The following QDPR variants were observed in gnomAD, a reference collection of about 807,000 sequenced individuals.
The protein encoded by QDPR is quinoid dihydropteridine reductase.
Under a neutral mutation model 31.7 loss-of-function variants are expected in QDPR, and 23 were observed. The ratio of observed to expected loss-of-function variants is 0.73; its 90% CI spans 0.52 to 1.03. QDPR has a LOEUF of 1.03. QDPR is among the 50% of genes least tolerant of loss of function. The probability of loss-of-function intolerance (pLI) is 0.00; values close to 1 mark genes in which losing one functional copy is unlikely to be tolerated. For synonymous variants in QDPR, 124 were observed against 124.7 expected (o/e 0.99, Z 0.03); for missense variants, 324 against 323.8 (o/e 1.00, Z 0.00).
At position 17,487,149 on chromosome 4, in the gene QDPR, G is replaced by A. The variant is rs771573493; in HGVS notation, c.717C>T (p.Leu239=). ...ATGAGGCCTAAAAATATGCTGGGGT[G>A]AGTTCCGTCCTTCCTTCTGTGGTTA... The part of the protein sequence containing the change: ...QVVTTEGRTE[L]TPAYF Residue 239 remains leucine (L), a synonymous_variant, in exon 7 of 7, where the codon CTC becomes CTT. Transcript: ENST00000281243. The A allele has an allele frequency of 5.6e-6, 9 of 1,614,132 alleles. No homozygotes were observed. The South Asian group carries it at 9.9e-5, about 18-fold the overall frequency.
At chr4:17,504,236 T>G in intron 3 of QDPR, 143 bp downstream of exon 3, 1 of 733,020 alleles carries the variant, frequency 1.4e-6, no homozygotes, top group Non-Finnish European at 2.4e-6. Context: ...TTAAGAGCAT[T>G]AATCACTCTC....
chr4:17,497,296 AT>A (rs1313974488), intron 4 of QDPR, among the ~76,000 whole-genome samples: 1 of 152,172 alleles, frequency 6.6e-6, no homozygotes, highest in Non-Finnish European at 1.5e-5. Context: ...AATTATTTAA[AT>A]AAAAACTAAT....
At chr4:17,496,843 G>A (rs1248870568) in intron 4 of QDPR, among the ~76,000 whole-genome samples, 1 of 151,928 alleles carries the variant, frequency 6.6e-6, no homozygotes. Flanking sequence ...TGCAACCACC[G>A]CCTCCCAGGT....
At chr4:17,494,466 C>G (rs1356399672) in intron 4 of QDPR, among the ~76,000 whole-genome samples, 1 of 152,200 alleles carries the variant, frequency 6.6e-6, no homozygotes, top group Non-Finnish European at 1.5e-5. Flanking sequence ...CTCACTGCAT[C>G]TGTGCCACTG....
In QDPR at chr4:17,487,231, A is replaced by T. The variant is rs777797545; in HGVS notation, c.635T>A (p.Phe212Tyr). The T allele has an allele frequency of 4.3e-6, 7 of 1,613,696 alleles. No homozygotes were observed. In the Admixed American group the frequency reaches 6.7e-5, roughly 15 times the overall value. The change falls in exon 7 of 7, where the codon TTC becomes TAC. Residue 212 changes from phenylalanine (F) to tyrosine (Y), a missense_variant. Transcript: ENST00000281243. ...GTTTTTCCCTGTGATCCAGTCATGG[A>T]AAGTTCTGGAACAGAAAATAAAAGT... is the stretch of plus-strand genomic sequence containing the variant. ...WTPLEFLVET[F>Y]HDWITGKNRP...
At chr4:17,501,595 C>T in intron 4 of QDPR, 124 bp downstream of exon 4, 3 of 1,158,734 alleles carry the variant, frequency 2.6e-6, no homozygotes, top group South Asian at 2.7e-5. Context: ...AGACAAAATC[C>T]ATCTATCTGT....
rs1202779724 is a variant in QDPR at position 17,512,044 on chromosome 4, G to A, written c.11C>T (p.Ala4Val). The change falls in exon 1 of 7, where the codon GCG (alanine) becomes GTG (valine). Residue 4 changes from alanine (A) to valine (V), a missense_variant. Physicochemically the swap from Ala to Val is moderately conservative, Grantham distance 64 (BLOSUM62 0). Coordinates refer to ENST00000281243, the MANE Select transcript of QDPR (RefSeq NM_000320.3). MAA[A>V]AAAGEARRVL... The stretch of plus-strand genomic sequence containing the variant: ...CCGGCGCGCCTCGCCTGCAGCCGCC[G>A]CCGCCGCCATCCTGCTCCTGCCAGC... 4 of 1,601,300 alleles carry A rather than the reference G, an allele frequency of 2.5e-6. No individual in the cohort carries two copies. Among genetic ancestry groups the A allele is most frequent in the Admixed American group, 1.7e-5 (1 of 59,342 alleles).
At position 17,505,602 on chromosome 4, in the gene QDPR, A is replaced by G. The variant is rs190641404; in HGVS notation, c.199-1127T>C. Among the ~76,000 whole-genome samples the G allele has an allele frequency of 1.4e-3, 217 of 152,362 alleles. 2 individuals are homozygous for G. The highest frequency in any genetic ancestry group is 5.1e-3 in the African/African-American group (211 of 41,584). ...CACAGTGGCTCATGCCAGTAGTCCC[A>G]GCACTTTGGGAGGCAGAGGCAGAAG... On this transcript the variant is annotated intron_variant, in intron 2 of 6. Coordinates refer to ENST00000281243, the MANE Select transcript of QDPR (RefSeq NM_000320.3).
At chr4:17,510,116 C>T in intron 1 of QDPR, 1 of 399,566 alleles carries the variant, frequency 2.5e-6, no homozygotes, top group Non-Finnish European at 5.0e-6. Context: ...ATTTTCTTTT[C>T]AACCACCTGA....
chr4:17,509,234 T>C (rs139219760), intron 2 of QDPR, 37 bp downstream of exon 2: 2 of 1,505,248 alleles, frequency 1.3e-6, no homozygotes, highest in South Asian at 2.2e-5. Context: ...CTCCCCAGGG[T>C]TCCCCTCACA....
chr4:17,500,541 G>A (rs1030610034), intron 4 of QDPR, among the ~76,000 whole-genome samples: 1 of 152,170 alleles, frequency 6.6e-6, no homozygotes, highest in African/African-American at 2.4e-5. Flanking sequence ...AGAAGAGGAG[G>A]AAACGAGGAC....
intron 2 of QDPR, among the ~76,000 whole-genome samples, chr4:17,506,313 T>C (rs967158089): frequency 1.3e-5 from 2 of 152,082 alleles, no homozygotes; most frequent in African/African-American, 4.8e-5. Context: ...TATTTTTTTG[T>C]AGAGATGGGG....
chr4:17,492,622 T>C (rs985062854), intron 4 of QDPR: 5 of 503,200 alleles, frequency 9.9e-6, no homozygotes, highest in Non-Finnish European at 1.8e-5. Context: ...AGCTGCAGCA[T>C]TCCAGGGTCC....
rs1718131584 is a variant in QDPR, at chr4:17,490,716, T to A, written c.575A>T (p.Lys192Ile). The A allele has an allele frequency of 3.1e-6, 5 of 1,614,056 alleles. No homozygotes were observed. The highest frequency in any genetic ancestry group is 4.2e-6 in the Non-Finnish European group (5 of 1,179,948). ...GCTGAAGTCAGCCTCAGGCATTGAT[T>A]TCCTGTTCATCGGGGTATCCAGGGT... ...PVTLDTPMNR[K>I]SMPEADFSSW... The change falls in exon 6 of 7, where the codon AAA becomes ATA. Residue 192 changes from lysine to isoleucine, a missense_variant. Lys to Ile is a moderately radical substitution (Grantham distance 102). Coordinates refer to ENST00000281243, the MANE Select transcript of QDPR (RefSeq NM_000320.3).
At chr4:17,504,261 T>C (rs1446673441) in intron 3 of QDPR, 118 bp downstream of exon 3, 6 of 833,494 alleles carry the variant, frequency 7.2e-6, no homozygotes, top group East Asian at 2.5e-5. Flanking sequence ...CGAGCAACTG[T>C]AAAGATTCCG....
chr4:17,492,178 AC>A, intron 5 of QDPR, 53 bp downstream of exon 5: 4 of 1,475,904 alleles, frequency 2.7e-6, no homozygotes, highest in Non-Finnish European at 3.8e-6. Context: ...ACAAACGGTC[AC>A]CTGCAGCAGT....
intron 6 of QDPR, among the ~76,000 whole-genome samples, chr4:17,488,983 CAT>C (rs1406261782): frequency 3.3e-5 from 5 of 152,176 alleles, no homozygotes; most frequent in African/African-American, 1.2e-4. Flanking sequence ...GTTGGTTACA[CAT>C]GTTTTTTTGT....
intron 6 of QDPR, among the ~76,000 whole-genome samples, 182 bp from the exon 7 acceptor site, chr4:17,487,418 G>C (rs1577182872): frequency 6.6e-6 from 1 of 152,176 alleles, no homozygotes; most frequent in East Asian, 1.9e-4. Context: ...GGGAGGCCGA[G>C]GCGGGCAGAT....
chr4:17,489,951 T>G (rs981727026), intron 6 of QDPR: 2 of 161,130 alleles, frequency 1.2e-5, no homozygotes, highest in Non-Finnish European at 2.7e-5. Context: ...ATCCCATCTT[T>G]GTCCTCACCG....
Sources: gnomAD v4.1 joint callset for allele counts (sites outside exome capture counted in the v4.1 genomes callset) on GRCh38, gnomAD v4.1.1 for gene constraint, MANE v1.5 for transcripts, NCBI Gene and HGNC (gene_info 2026-07-23, HGNC 2026-07-21) for gene names.